The following MILR1 variants were observed in gnomAD, a reference collection of about 807,000 sequenced individuals.
The protein encoded by MILR1 is mast cell immunoglobulin like receptor 1.
In MILR1, 31 loss-of-function variants were observed where a neutral mutation model predicts 18.5. The ratio of observed to expected loss-of-function variants is 1.68; its 90% confidence interval spans 1.26 to 2.26. The LOEUF is 2.26. Among genes scored for constraint, MILR1 ranks in the 30% most tolerant of loss-of-function variants. MILR1 has a pLI of 0.00. For synonymous variants in MILR1, 85 were observed against 56.2 expected, an observed-to-expected ratio of 1.51 and a Z score of -2.30; for missense variants, 257 against 157.4, an observed-to-expected ratio of 1.63 and a Z score of -3.38.
chr17:64,488,436 T>A, the MILR1 span, among the ~76,000 whole-genome samples: 2 of 152,008 alleles, frequency 1.3e-5, no homozygotes, highest in African/African-American at 2.4e-5. Flanking sequence ...GGCATGGTAG[T>A]TCACACCTGT....
chr17:64,497,099 G>A, the MILR1 span: 2 of 924,766 alleles, frequency 2.2e-6, no homozygotes, highest in Non-Finnish European at 3.4e-6. Context: ...CGGGCGGCAG[G>A]CCCCACCCCG....
At position 64,452,788 on chromosome 17, in the gene MILR1, G is replaced by C; in HGVS notation, c.289G>C (p.Glu97Gln). ...IFNLSITEAH[E>Q]SGPYKCKAQV... The stretch of plus-strand genomic sequence containing the variant: ...TAACCTAAGCATCACAGAAGCCCAT[G>C]AATCAGGCCCCTACAAATGCAAAGC... Residue 97 changes from glutamate (E) to glutamine (Q), a missense_variant, in exon 3 of 10, where the codon GAA (glutamate) becomes CAA (glutamine). Coordinates refer to ENST00000619286, the MANE Select transcript of MILR1 (RefSeq NM_001085423.2). The C allele has an allele frequency of 2.1e-6, 1 of 475,186 alleles. No individual in the cohort carries two copies. Among genetic ancestry groups the C allele is most frequent in the Non-Finnish European group, 3.9e-6 (1 of 259,016 alleles). 29.4% of individuals were successfully genotyped at this position (475,186 alleles called of 1,614,324 possible). A position where few individuals can be genotyped will look rare whatever the true frequency, so the allele number is the denominator to read the frequency against.
At chr17:64,459,011 CG>C (rs1161133918) in intron 4 of MILR1, among the ~76,000 whole-genome samples, 88 of 152,278 alleles carry the variant, frequency 5.8e-4, no homozygotes, top group South Asian at 2.1e-3. Context: ...CGGGGCAGCC[CG>C]GGACTTCAGT....
At position 64,449,765 on chromosome 17, in the gene MILR1, G is replaced by A. The variant is rs983370988; in HGVS notation, c.97+410G>A. On this transcript the variant is annotated intron_variant, in intron 2 of 9. Transcript: ENST00000619286. ...AGCCTGAACAACATAGTGATACCTC[G>A]TTTCTTAAAAAAATAAAACAAAATA... 4.6e-5 allele frequency among the ~76,000 whole-genome samples: 7 copies of A among 151,580 alleles called. No homozygotes were observed. The South Asian group carries it at 1.2e-3, about 27-fold the overall frequency.
the MILR1 span, chr17:64,497,072 G>T: frequency 1.7e-6 from 2 of 1,200,054 alleles, no homozygotes; most frequent in East Asian, 2.4e-5. Flanking sequence ...CAGGCGCAAC[G>T]GAGGTGAGCG....
chr17:64,467,212 C>T (rs913576511), intron 8 of MILR1, among the ~76,000 whole-genome samples: 5 of 151,708 alleles, frequency 3.3e-5, no homozygotes, highest in African/African-American at 1.2e-4. Context: ...CTGAAGCAGT[C>T]GTCCCACCTT....
chr17:64,472,232 T>C (rs577517421), downstream of MILR1, among the ~76,000 whole-genome samples: 2 of 151,536 alleles, frequency 1.3e-5, no homozygotes, highest in Admixed American at 1.3e-4. Context: ...TGTAATCCCA[T>C]GGGGCAGGTG....
chr17:64,455,852 C>T (rs2037286494), intron 3 of MILR1, among the ~76,000 whole-genome samples: 1 of 151,578 alleles, frequency 6.6e-6, no homozygotes, highest in South Asian at 2.1e-4. Flanking sequence ...CCAGTCTGGC[C>T]AACATGGTGA....
chr17:64,480,259 TAC>T, the MILR1 span: 2 of 993,772 alleles, frequency 2.0e-6, no homozygotes, highest in Non-Finnish European at 3.1e-6. Context: ...CTTGAATAAA[TAC>T]ACTCTTTAAT....
chr17:64,455,189 C>A (rs941672209), intron 3 of MILR1, among the ~76,000 whole-genome samples: 31 of 152,298 alleles, frequency 2.0e-4, no homozygotes, highest in Admixed American at 9.8e-4. Flanking sequence ...ATAAGCCCAT[C>A]AGTTCATATG....
the MILR1 span, chr17:64,481,351 G>T: frequency 2.0e-6 from 2 of 985,080 alleles, no homozygotes; most frequent in Non-Finnish European, 2.4e-6. Flanking sequence ...GAAAGCTGGG[G>T]GACTCTCAAA....
chr17:64,466,384 C>A, intron 6 of MILR1, 58 bp from the exon 7 acceptor site: 2 of 1,472,820 alleles, frequency 1.4e-6, no homozygotes, highest in African/African-American at 1.4e-5. Flanking sequence ...AGCAATTTAC[C>A]GACCTTTTCT....
At chr17:64,491,518 C>A in the MILR1 span, 1 of 1,521,080 alleles carries the variant, frequency 6.6e-7, no homozygotes, top group Admixed American at 1.7e-5. Context: ...TCTAAAAAAA[C>A]CAAGATGGAG....
At chr17:64,459,639 T>G (rs965436124) in intron 4 of MILR1, among the ~76,000 whole-genome samples, 2 of 152,176 alleles carry the variant, frequency 1.3e-5, no homozygotes, top group Non-Finnish European at 2.9e-5. Flanking sequence ...ATTCACTGGC[T>G]GTGTGACCTT....
At chr17:64,490,126 C>T in the MILR1 span, among the ~76,000 whole-genome samples, 28 of 152,144 alleles carry the variant, frequency 1.8e-4, 1 homozygote, top group East Asian at 4.6e-3. Context: ...GGTTTCACCA[C>T]ATTGGCCAGG....
the MILR1 span, among the ~76,000 whole-genome samples, chr17:64,480,028 T>C: frequency 6.6e-6 from 1 of 152,212 alleles, no homozygotes; most frequent in South Asian, 2.1e-4. Context: ...CTTTCATCCA[T>C]AAGTGGATAA....
chr17:64,475,865 G>A, the MILR1 span, among the ~76,000 whole-genome samples: 1 of 137,560 alleles, frequency 7.3e-6, no homozygotes, highest in African/African-American at 2.9e-5. Flanking sequence ...CCAGGCTGGA[G>A]TACAATGGCG....
the MILR1 span, chr17:64,477,963 T>C: frequency 1.6e-5 from 26 of 1,613,916 alleles, no homozygotes; most frequent in Non-Finnish European, 2.2e-5. Context: ...ACCAAAACTG[T>C]GAAGAGAATA....
chr17:64,477,763 A>C, the MILR1 span: 2 of 1,463,022 alleles, frequency 1.4e-6, no homozygotes, highest in African/African-American at 2.9e-5. Context: ...AAATAAATCT[A>C]AGTGAACATA....
Sources: allele counts gnomAD v4.1 joint callset (sites outside exome capture counted in the v4.1 genomes callset), GRCh38; gene constraint gnomAD v4.1.1; transcripts MANE v1.5; gene names NCBI Gene and HGNC (gene_info 2026-07-23, HGNC 2026-07-21).